The following ATXN1 variants were observed in gnomAD, a reference collection of about 807,000 sequenced individuals.
The protein encoded by ATXN1 is ataxin 1.
In ATXN1, 8 loss-of-function variants were observed where a neutral mutation model predicts 56.4. The observed-to-expected ratio is 0.14, with a 90% confidence interval of 0.08 to 0.26. ATXN1 has a LOEUF of 0.26. Ranked by LOEUF, ATXN1 falls within the 10% of genes least tolerant of loss-of-function variation. The pLI is 1.00. For synonymous variants in ATXN1, 514 were observed against 494.6 expected (o/e 1.04, Z -0.52); for missense variants, 987 against 1,106.5 (o/e 0.89, Z 1.53).
At chr6:16,622,438 C>A (rs1297628595) in intron 3 of ATXN1, among the ~76,000 whole-genome samples, 1 of 151,822 alleles carries the variant, frequency 6.6e-6, no homozygotes, top group Non-Finnish European at 1.5e-5. Flanking sequence ...AAGGGATGTG[C>A]GAATAGGTAC....
At chr6:16,546,504 C>T (rs1462686823) in intron 4 of ATXN1, among the ~76,000 whole-genome samples, 2 of 152,136 alleles carry the variant, frequency 1.3e-5, no homozygotes, top group Non-Finnish European at 2.9e-5. Context: ...TAACTGGACC[C>T]TGAGCCATAA....
intron 6 of ATXN1, among the ~76,000 whole-genome samples, chr6:16,372,737 G>A (rs576493937): frequency 5.8e-4 from 88 of 152,038 alleles, no homozygotes; most frequent in African/African-American, 2.1e-3. Flanking sequence ...AACCCAGTGA[G>A]AACTCATCTC....
Position 16,730,487 on chromosome 6 carries a change from GTA to G in ATXN1, c.-615+22744_-615+22745del, listed in dbSNP as rs4052880. Among the ~76,000 whole-genome samples the G allele has an allele frequency of 2.8e-3, 371 of 132,030 alleles. 5 individuals are homozygous for G. Among genetic ancestry groups the G allele is most frequent in the African/African-American group, 7.4e-3 (275 of 37,274 alleles). 86.6% of individuals were successfully genotyped at this position (132,030 alleles called of 152,430 possible). A position where few individuals can be genotyped will look rare whatever the true frequency, so the allele number is the denominator to read the frequency against. ...CTGGAGTTAAAGGGTAAAACAGTAT[GTA>G]TATATATATATATATATAAATGTAT... is the stretch of plus-strand genomic sequence containing the variant. On this transcript the variant is annotated intron_variant, in intron 2 of 7. Transcript: ENST00000436367.
Position 16,599,984 on chromosome 6 carries a change from A to G in ATXN1, c.-488-14077T>C, listed in dbSNP as rs2299077. Among the ~76,000 whole-genome samples the G allele has an allele frequency of 1.6e-3, 242 of 152,336 alleles. 3 individuals are homozygous for G. In the East Asian group the frequency reaches 0.038, roughly 24 times the overall value. ...AAATTTCAAAAGGGAAAGGTGGGAA[A>G]CAATGTGTGTCCTACATGGAAATCT... is the stretch of plus-strand genomic sequence containing the variant. On this transcript the variant is annotated intron_variant, in intron 3 of 7. Transcript: ENST00000436367.
chr6:16,328,798 A>G lies in ATXN1; in HGVS notation c.-160-328T>C, dbSNP rs1760912254. On this transcript the variant is annotated intron_variant, in intron 6 of 7. Coordinates refer to ENST00000436367, the MANE Select transcript of ATXN1 (RefSeq NM_001128164.2). This position sits in a 1 kb window ranked among gnomAD's most constrained non-coding sequence, Gnocchi z 6.2. Reference sequence around the variant, plus strand: ...AGCCTGGTGTAACATTAGCTGGCACACGGCTGTAGTCCCAGCTACTTGAGA... The same window carrying G: ...AGCCTGGTGTAACATTAGCTGGCACGCGGCTGTAGTCCCAGCTACTTGAGA... 6.6e-6 allele frequency among the ~76,000 whole-genome samples: 1 copy of G among 152,194 alleles called. No individual in the cohort carries two copies. The highest frequency in any genetic ancestry group is 2.1e-4 in the South Asian group (1 of 4,830).
chr6:16,368,012 A>G lies in ATXN1; in HGVS notation c.-160-39542T>C, dbSNP rs375126567. 9.9e-5 allele frequency among the ~76,000 whole-genome samples: 15 copies of G among 152,154 alleles called. No homozygotes were observed. The South Asian group carries it at 2.9e-3, about 29-fold the overall frequency. ...TGAAACCCTGTCTCTACTAAAAAAT[A>G]CATAAAAATTAGCCAGACATGTTGG... On this transcript the variant is annotated intron_variant, in intron 6 of 7. Coordinates refer to ENST00000436367, the MANE Select transcript of ATXN1 (RefSeq NM_001128164.2).
chr6:16,343,643 C>T (rs1022672653), intron 6 of ATXN1, among the ~76,000 whole-genome samples: 4 of 152,092 alleles, frequency 2.6e-5, no homozygotes, highest in African/African-American at 4.8e-5. Flanking sequence ...GAAAGCTGGC[C>T]GATATCCCTG....
intron 4 of ATXN1, among the ~76,000 whole-genome samples, chr6:16,562,570 C>T (rs1762143676): frequency 6.6e-6 from 1 of 151,624 alleles, no homozygotes; most frequent in Non-Finnish European, 1.5e-5. Context: ...TGGCAGCAGC[C>T]ACCGTAGGAA....
chr6:16,421,353 G>A (rs919169943), intron 6 of ATXN1, among the ~76,000 whole-genome samples: 1 of 150,090 alleles, frequency 6.7e-6, no homozygotes, highest in Admixed American at 6.6e-5. Flanking sequence ...AAAAAAAAAA[G>A]AATGAAATCA....
chr6:16,324,532 C>T (rs923039429), intron 7 of ATXN1, among the ~76,000 whole-genome samples: 1 of 151,872 alleles, frequency 6.6e-6, no homozygotes, highest in Non-Finnish European at 1.5e-5. Context: ...ATCTGAATGT[C>T]CCAAATAGCA....
At position 16,440,317 on chromosome 6, in the gene ATXN1, A is replaced by T. The variant is rs145278160; in HGVS notation, c.-161+45655T>A. 1.6e-3 allele frequency among the ~76,000 whole-genome samples: 247 copies of T among 152,248 alleles called. 3 individuals carry two copies. The East Asian group carries it at 0.04, about 25-fold the overall frequency. On this transcript the variant is annotated intron_variant, in intron 6 of 7. Transcript: ENST00000436367. ...TGATATTTCAAAAGAGCTAAAAGAA[A>T]ATGAGGAAGTAAGAAGAGATAAAGG...
intron 2 of ATXN1, among the ~76,000 whole-genome samples, chr6:16,698,656 A>ATT (rs1759216968): frequency 6.6e-6 from 1 of 150,484 alleles, no homozygotes; most frequent in East Asian, 2.0e-4. Context: ...AAATTAAAAA[A>ATT]AAAAAAAAAA....
At chr6:16,409,116 A>C (rs530838446) in intron 6 of ATXN1, among the ~76,000 whole-genome samples, 1 of 152,334 alleles carries the variant, frequency 6.6e-6, no homozygotes, top group South Asian at 2.1e-4. Flanking sequence ...TTATAATCAA[A>C]TAATGTCACA....
intron 6 of ATXN1, among the ~76,000 whole-genome samples, chr6:16,442,385 T>A (rs1482424995): frequency 6.6e-6 from 1 of 152,066 alleles, no homozygotes; most frequent in Non-Finnish European, 1.5e-5. Context: ...CATAATCAGC[T>A]GTAGGTCTGT....
rs538221734 is a variant in ATXN1, at chr6:16,307,310, G to C, written c.1918-451C>G. Among the ~76,000 whole-genome samples, 7 of 152,204 alleles carry C rather than the reference G, an allele frequency of 4.6e-5. No individual in the cohort carries two copies. The East Asian group carries it at 1.3e-3, about 29-fold the overall frequency. On this transcript the variant is annotated intron_variant, in intron 7 of 7. Transcript: ENST00000436367. ...ACAGGACAGGACTAAACATGGATCA[G>C]AGTGAGACTGTGAGTTCCAAGAAGC...
chr6:16,474,062 C>T (rs1265974527), intron 6 of ATXN1, among the ~76,000 whole-genome samples: 2 of 152,202 alleles, frequency 1.3e-5, no homozygotes, highest in Non-Finnish European at 2.9e-5. Flanking sequence ...TGAAAAGACA[C>T]TTTATGATCT....
At chr6:16,366,836 A>C (rs928275455) in intron 6 of ATXN1, among the ~76,000 whole-genome samples, 1 of 151,884 alleles carries the variant, frequency 6.6e-6, no homozygotes. Context: ...ATCAACCCAC[A>C]TGTTACATGT....
chr6:16,711,407 T>C (rs921197009), intron 2 of ATXN1, among the ~76,000 whole-genome samples: 3 of 151,972 alleles, frequency 2.0e-5, no homozygotes, highest in Admixed American at 2.0e-4. Context: ...TAAATTAGAC[T>C]TCATTAAAAT....
At chr6:16,312,833 T>C (rs574859194) in intron 7 of ATXN1, among the ~76,000 whole-genome samples, 3 of 152,038 alleles carry the variant, frequency 2.0e-5, no homozygotes, top group Non-Finnish European at 4.4e-5. Flanking sequence ...CCCCCTCCCA[T>C]AAAAACCCTC....
Sources: gnomAD v4.1 joint callset for allele counts (sites outside exome capture counted in the v4.1 genomes callset) on GRCh38, gnomAD v4.1.1 for gene constraint, Gnocchi (gnomAD v3.1) non-coding constraint, MANE v1.5 for transcripts, NCBI Gene and HGNC (gene_info 2026-07-23, HGNC 2026-07-21) for gene names.